The following AFF3 variants were observed in gnomAD, a reference collection of about 807,000 sequenced individuals.
AFF3 encodes ALF transcription elongation factor 3.
Under a neutral mutation model 129.7 loss-of-function variants are expected in AFF3, and 32 were observed. That is an observed-to-expected ratio of 0.25 (90% CI 0.19 to 0.33). AFF3 has a LOEUF of 0.33. Ranked by LOEUF, AFF3 falls within the 10% of genes least tolerant of loss-of-function variation. AFF3 has a pLI of 1.00. For synonymous variants in AFF3, 644 were observed against 635.4 expected, an observed-to-expected ratio of 1.01 and a Z score of -0.20; for missense variants, 1,373 against 1,592.0, an observed-to-expected ratio of 0.86 and a Z score of 2.34.
At chr2:99,652,473 G>C (rs192924729) in intron 12 of AFF3, among the ~76,000 whole-genome samples, 1 of 152,132 alleles carries the variant, frequency 6.6e-6, no homozygotes, top group African/African-American at 2.4e-5. Context: ...GAAACACTGC[G>C]GCAGAGTAGG....
intron 4 of AFF3, among the ~76,000 whole-genome samples, chr2:100,044,980 G>A (rs1398862676): frequency 1.3e-5 from 2 of 152,038 alleles, no homozygotes; most frequent in Non-Finnish European, 2.9e-5. Flanking sequence ...TGGACAAGAC[G>A]GCAATCTGCT....
chr2:99,741,318 C>T (rs1453071678), intron 10 of AFF3, among the ~76,000 whole-genome samples: 1 of 152,140 alleles, frequency 6.6e-6, no homozygotes, highest in African/African-American at 2.4e-5. Flanking sequence ...ATCTAGAAAA[C>T]CCCATTGTCT....
At chr2:99,725,106 G>A (rs7579187) in intron 11 of AFF3, among the ~76,000 whole-genome samples, 81,028 of 151,696 alleles carry the variant, frequency 0.53, 22,026 homozygotes, top group East Asian at 0.76. Flanking sequence ...GAGTAGCTGA[G>A]ATTACAGGCA....
intron 7 of AFF3, among the ~76,000 whole-genome samples, chr2:99,859,271 C>G (rs1690786512): frequency 6.6e-6 from 1 of 152,242 alleles, no homozygotes; most frequent in Non-Finnish European, 1.5e-5. Context: ...ACATGCCACT[C>G]TACCCTGCCT....
intron 12 of AFF3, among the ~76,000 whole-genome samples, chr2:99,660,064 C>G (rs1310764130): frequency 6.6e-6 from 1 of 152,156 alleles, no homozygotes; most frequent in Non-Finnish European, 1.5e-5. Context: ...CAGGTGGATA[C>G]TGGGATTAGT....
intron 4 of AFF3, among the ~76,000 whole-genome samples, chr2:100,074,896 T>C (rs1688470154): frequency 6.6e-6 from 1 of 152,176 alleles, no homozygotes; most frequent in African/African-American, 2.4e-5. Flanking sequence ...TCAATTAAAG[T>C]CCACCTTTGA....
intron 14 of AFF3, among the ~76,000 whole-genome samples, chr2:99,597,412 G>T (rs553016505): frequency 3.3e-5 from 5 of 152,290 alleles, no homozygotes; most frequent in African/African-American, 9.6e-5. Context: ...TATATGTCTT[G>T]TGTCTTCAAA....
At chr2:99,570,805 G>A (rs1000012599) in intron 18 of AFF3, among the ~76,000 whole-genome samples, 1 of 152,200 alleles carries the variant, frequency 6.6e-6, no homozygotes, top group Non-Finnish European at 1.5e-5. Flanking sequence ...CCTGGTCCGA[G>A]GAGCTCTGCT....
chr2:99,734,341 A>G (rs571820953), intron 10 of AFF3, among the ~76,000 whole-genome samples: 2 of 148,338 alleles, frequency 1.3e-5, no homozygotes, highest in Non-Finnish European at 3.0e-5. Context: ...GAGAAAATGA[A>G]TGTTCTTCTC....
At chr2:99,848,819 CA>C (rs1476642695) in intron 7 of AFF3, among the ~76,000 whole-genome samples, 1 of 152,138 alleles carries the variant, frequency 6.6e-6, no homozygotes, top group Non-Finnish European at 1.5e-5. Context: ...CCAACATAAT[CA>C]CGCTAAGGAA....
intron 11 of AFF3, among the ~76,000 whole-genome samples, chr2:99,703,646 T>TC (rs374784378): frequency 0.063 from 4,506 of 71,796 alleles, 81 homozygotes; most frequent in African/African-American, 0.083. Flanking sequence ...CATTTCTCTC[T>TC]TTTTTTTTTT....
At position 99,548,127 on chromosome 2, in the gene AFF3, T is replaced by C; in HGVS notation, c.*3347A>G. The C allele has an allele frequency of 4.9e-6, 1 of 204,004 alleles. No individual in the cohort carries two copies. Among genetic ancestry groups the C allele is most frequent in the Non-Finnish European group, 1.0e-5 (1 of 99,218 alleles). The allele number at this position is 204,004 out of a possible 1,614,324, so 12.6% of individuals were successfully genotyped here. A position where few individuals can be genotyped will look rare whatever the true frequency, so the allele number is the denominator to read the frequency against. On this transcript the variant is annotated 3_prime_UTR_variant, in exon 25 of 25. Transcript: ENST00000672756. ...ATTTTGATCAGGAATATACCTGGAC[T>C]ACTCTCTTTCAAAGGCAATTGAACA... is the stretch of plus-strand genomic sequence containing the variant.
intron 2 of AFF3, chr2:100,107,535 T>A (rs544111027): frequency 1.0e-6 from 1 of 983,436 alleles, no homozygotes; most frequent in African/African-American, 1.7e-5. Context: ...TAGCTTTTGC[T>A]CATCCTATAG....
intron 11 of AFF3, among the ~76,000 whole-genome samples, chr2:99,708,711 T>G (rs1346949481): frequency 6.6e-6 from 1 of 152,208 alleles, no homozygotes; most frequent in Non-Finnish European, 1.5e-5. Context: ...GATCACTTTT[T>G]GGGCATTTTG....
intron 7 of AFF3, among the ~76,000 whole-genome samples, chr2:99,962,629 A>T (rs2104341232): frequency 6.6e-6 from 1 of 152,238 alleles, no homozygotes; most frequent in South Asian, 2.1e-4. Flanking sequence ...AAAACTGACT[A>T]GATGGGCTCA....
intron 4 of AFF3, among the ~76,000 whole-genome samples, chr2:100,021,145 C>T (rs1032996796): frequency 6.6e-6 from 1 of 152,158 alleles, no homozygotes; most frequent in Non-Finnish European, 1.5e-5. Context: ...ATCCCGGGGC[C>T]CTATATAAGT....
rs911201817 is a variant in AFF3 at position 99,549,524 on chromosome 2, G to A, written c.*1950C>T. On this transcript the variant is annotated 3_prime_UTR_variant, in exon 25 of 25. Transcript: ENST00000672756. The stretch of plus-strand genomic sequence containing the variant: ...CACTTGAACCCAGGAGGCAGAGGAT[G>A]CAGTGAGCCGAGATCGTGCCACTGC... The A allele has an allele frequency of 1.1e-5, 2 of 182,598 alleles. No individual in the cohort carries two copies. 11.3% of individuals were successfully genotyped at this position (182,598 alleles called of 1,614,324 possible).
At chr2:99,579,919 A>G (rs1673421641) in intron 17 of AFF3, among the ~76,000 whole-genome samples, 1 of 152,258 alleles carries the variant, frequency 6.6e-6, no homozygotes, top group South Asian at 2.1e-4. Flanking sequence ...TTGAGTGTAT[A>G]CAAATGCTTC....
intron 8 of AFF3, among the ~76,000 whole-genome samples, chr2:99,827,294 G>C (rs1434350064): frequency 1.3e-5 from 2 of 152,116 alleles, no homozygotes; most frequent in African/African-American, 4.8e-5. Flanking sequence ...CCAACATCAA[G>C]GGGGACTTAC....
Sources: allele counts gnomAD v4.1 joint callset (sites outside exome capture counted in the v4.1 genomes callset), GRCh38; gene constraint gnomAD v4.1.1; transcripts MANE v1.5; gene names NCBI Gene and HGNC (gene_info 2026-07-23, HGNC 2026-07-21).